The following ZCWPW1 variants were observed in gnomAD, a reference collection of about 807,000 sequenced individuals.
ZCWPW1 encodes zinc finger CW-type and PWWP domain containing 1.
Under a neutral mutation model 81.3 loss-of-function variants are expected in ZCWPW1, and 56 were observed. The ratio of observed to expected loss-of-function variants is 0.69; its 90% CI spans 0.56 to 0.86. ZCWPW1 has a LOEUF of 0.86. Ranked by LOEUF, ZCWPW1 falls within the 40% of genes least tolerant of loss-of-function variation. The probability of loss-of-function intolerance (pLI) is 0.00; values close to 1 mark genes in which losing one functional copy is unlikely to be tolerated. For missense variants in ZCWPW1, 650 were observed against 769.8 expected (o/e 0.84, Z 1.84); for synonymous variants, 250 against 273.7 (o/e 0.91, Z 0.86).
At chr7:100,407,971 G>A (rs912927357) in intron 10 of ZCWPW1, among the ~76,000 whole-genome samples, 8 of 151,980 alleles carry the variant, frequency 5.3e-5, no homozygotes, top group Non-Finnish European at 1.2e-4. Context: ...TTATTTTTGA[G>A]ATGGGGACTC....
chr7:100,413,799 C>G (rs1794675412), intron 8 of ZCWPW1, among the ~76,000 whole-genome samples: 1 of 151,934 alleles, frequency 6.6e-6, no homozygotes, highest in Non-Finnish European at 1.5e-5. Context: ...CACTATGTTA[C>G]CCAGGCTAGT....
intron 1 of ZCWPW1, among the ~76,000 whole-genome samples, chr7:100,426,002 T>C (rs960485099): frequency 1.3e-5 from 2 of 152,184 alleles, no homozygotes; most frequent in Non-Finnish European, 2.9e-5. Context: ...CTTGTCAGTA[T>C]TGCCAATACT....
Position 100,401,322 on chromosome 7 carries a change from A to G in ZCWPW1, c.1642T>C (p.Phe548Leu), listed in dbSNP as rs1397966874. The change falls in exon 18 of 18, where the codon TTT becomes CTT. Residue 548 changes from phenylalanine (F) to leucine (L), a missense_variant. Physicochemically the swap from Phe to Leu is conservative, Grantham distance 22. Coordinates refer to ENST00000684423, the MANE Select transcript of ZCWPW1 (RefSeq NM_001386010.1). ...DSDQPGPKKK[F>L]KAPQSKALAA... ...AAGGCCTTGCTCTGGGGAGCTTTAA[A>G]TTTTTTCTTAGGGCCTAAATGAGAA... The G allele has an allele frequency of 1.9e-6, 3 of 1,550,082 alleles. No individual in the cohort carries two copies. The highest frequency in any genetic ancestry group is 1.7e-6 in the Non-Finnish European group (2 of 1,151,426).
chr7:100,404,604 C>G (rs1180732258), intron 13 of ZCWPW1, among the ~76,000 whole-genome samples: 3 of 152,164 alleles, frequency 2.0e-5, no homozygotes, highest in Admixed American at 2.0e-4. Context: ...AATGGATACA[C>G]CTGCCTTGGC....
At chr7:100,421,440 A>G (rs1796325170) in intron 2 of ZCWPW1, among the ~76,000 whole-genome samples, 1 of 152,174 alleles carries the variant, frequency 6.6e-6, no homozygotes, top group Admixed American at 6.5e-5. Flanking sequence ...GAGAAGCCCC[A>G]CTTTTAACAT....
intron 4 of ZCWPW1, 43 bp from the exon 5 acceptor site, chr7:100,419,232 A>G (rs1795912142): frequency 1.9e-6 from 3 of 1,561,210 alleles, no homozygotes; most frequent in East Asian, 4.5e-5. Flanking sequence ...TTATCTTTCC[A>G]TAGTTTTCCC....
chr7:100,407,119 C>A, intron 11 of ZCWPW1, 109 bp downstream of exon 11: 2 of 1,005,772 alleles, frequency 2.0e-6, no homozygotes, highest in South Asian at 1.4e-5. Flanking sequence ...TGTCTGTTTT[C>A]ACTTGTGTCT....
Position 100,425,110 on chromosome 7 carries a change from TTC to T in ZCWPW1, c.-112_-111del, listed in dbSNP as rs1230528061. On this transcript the variant is annotated 5_prime_UTR_variant, in exon 2 of 18. Coordinates refer to ENST00000684423, the MANE Select transcript of ZCWPW1 (RefSeq NM_001386010.1). ...CCTCCTCTGTTTCAGGTGAATTAAC[TTC>T]TTTCACAATAACAAATACTGAAAGC... The T allele has an allele frequency of 6.6e-6, 1 of 152,174 alleles. No homozygotes were observed. The highest frequency in any genetic ancestry group is 1.9e-4 in the East Asian group (1 of 5,200). 9.4% of individuals were successfully genotyped at this position (152,174 alleles called of 1,614,324 possible).
In ZCWPW1 at chr7:100,407,214, A is replaced by C. The variant is rs752670572; in HGVS notation, c.1068+14T>G. On this transcript the variant is annotated intron_variant, in intron 11 of 17. Transcript: ENST00000684423. ...TGGCCTGAGCTCCTTCTTACCCTGA[A>C]CCAGGAAACTCACCGGCAGGGAATC... is the stretch of plus-strand genomic sequence containing the variant. 6.2e-7 allele frequency: 1 copy of C among 1,613,486 alleles called. No individual in the cohort carries two copies. Among genetic ancestry groups the C allele is most frequent in the South Asian group, 1.1e-5 (1 of 91,072 alleles).
At chr7:100,427,490 A>C (rs1281708568) in intron 1 of ZCWPW1, among the ~76,000 whole-genome samples, 1 of 151,796 alleles carries the variant, frequency 6.6e-6, no homozygotes, top group African/African-American at 2.4e-5. Flanking sequence ...ACCTAAGGTC[A>C]GGAGTTCGAG....
At position 100,405,025 on chromosome 7, in the gene ZCWPW1, C is replaced by G. The variant is rs534404386; in HGVS notation, c.1242G>C (p.Gln414His). The change falls in exon 13 of 18, where the codon CAG becomes CAC. Residue 414 changes from glutamine (Q) to histidine (H), a missense_variant. Physicochemically the swap from Gln to His is conservative, Grantham distance 24. Coordinates refer to ENST00000684423, the MANE Select transcript of ZCWPW1 (RefSeq NM_001386010.1). ...VALMMAQEAE[Q>H]ISIQERVNLF... ...AACACCCTCCCACCTGAATGCTGAT[C>G]TGTTCTGCCTCTTGAGCCATCATCA... 12 of 1,613,502 alleles carry G rather than the reference C, an allele frequency of 7.4e-6. No individual in the cohort carries two copies. In the Admixed American group the frequency reaches 8.3e-5, roughly 11 times the overall value.
intron 8 of ZCWPW1, among the ~76,000 whole-genome samples, chr7:100,413,214 C>A (rs1446761035): frequency 1.3e-5 from 2 of 152,174 alleles, no homozygotes; most frequent in Non-Finnish European, 2.9e-5. Flanking sequence ...CCAGTGGATT[C>A]CCCCTGCACT....
chr7:100,400,973 C>A lies in ZCWPW1; in HGVS notation c.*41G>T, dbSNP rs767552122. Reference sequence around the variant, plus strand: ...CACTTAGCAACTTCTCCCTCCTGCGCCCCAGAGAAGGGAGAAAAAGAGGGA... The same window carrying A: ...CACTTAGCAACTTCTCCCTCCTGCGACCCAGAGAAGGGAGAAAAAGAGGGA... On this transcript the variant is annotated 3_prime_UTR_variant, in exon 18 of 18. Transcript: ENST00000684423. 9.0e-6 allele frequency: 14 copies of A among 1,547,108 alleles called. No homozygotes were observed. Among genetic ancestry groups the A allele is most frequent in the Non-Finnish European group, 1.2e-5 (14 of 1,147,368 alleles).
intron 2 of ZCWPW1, among the ~76,000 whole-genome samples, chr7:100,424,420 A>G (rs1796940801): frequency 6.6e-6 from 1 of 152,178 alleles, no homozygotes; most frequent in African/African-American, 2.4e-5. Context: ...TATCTTTGGC[A>G]TTTTAAAACC....
rs1020950456 is a variant in ZCWPW1, at chr7:100,410,256, G to C, written c.755-712C>G. 3.9e-5 allele frequency among the ~76,000 whole-genome samples: 6 copies of C among 151,950 alleles called. No individual in the cohort carries two copies. In the East Asian group the frequency reaches 1.2e-3, roughly 29 times the overall value. On this transcript the variant is annotated intron_variant, in intron 8 of 17. Transcript: ENST00000684423. ...GTGGTCTTGGAAAGTCCATTGACTCGAGCAACAAAAGTCCACATATCCTCA... is the reference window on the plus strand; with the variant it reads ...GTGGTCTTGGAAAGTCCATTGACTCCAGCAACAAAAGTCCACATATCCTCA...
intron 2 of ZCWPW1, among the ~76,000 whole-genome samples, chr7:100,421,702 T>A (rs1260802457): frequency 3.3e-5 from 5 of 152,184 alleles, no homozygotes; most frequent in Non-Finnish European, 7.3e-5. Flanking sequence ...TGTGTTTCTT[T>A]TTTTTTTGAG....
intron 10 of ZCWPW1, among the ~76,000 whole-genome samples, chr7:100,408,235 G>A (rs1010023237): frequency 1.3e-5 from 2 of 152,162 alleles, no homozygotes; most frequent in African/African-American, 2.4e-5. Flanking sequence ...ACAGGTGTGA[G>A]CCACTGCGCC....
At chr7:100,402,865 A>G (rs933272175) in intron 15 of ZCWPW1, among the ~76,000 whole-genome samples, 2 of 152,228 alleles carry the variant, frequency 1.3e-5, no homozygotes, top group South Asian at 2.1e-4. Flanking sequence ...GTGAAAATAT[A>G]TATTTCCTAT....
intron 2 of ZCWPW1, among the ~76,000 whole-genome samples, chr7:100,424,590 T>C (rs890599462): frequency 6.6e-6 from 1 of 151,748 alleles, no homozygotes; most frequent in African/African-American, 2.4e-5. Context: ...GCCTCCCGAG[T>C]AGCTGGGATT....
Sources: gnomAD v4.1 joint callset for allele counts (sites outside exome capture counted in the v4.1 genomes callset) on GRCh38, gnomAD v4.1.1 for gene constraint, MANE v1.5 for transcripts, NCBI Gene and HGNC (gene_info 2026-07-23, HGNC 2026-07-21) for gene names.